Variants in USP13 observed in about 807,000 individuals in gnomAD.
The protein encoded by USP13 is ubiquitin carboxyl-terminal hydrolase 13.
Under a neutral mutation model 107.8 loss-of-function variants are expected in USP13, and 68 were observed. That is an observed-to-expected ratio of 0.63 (90% confidence interval 0.52 to 0.77). The LOEUF is 0.77. Ranked by LOEUF, USP13 falls within the 30% of genes least tolerant of loss-of-function variation. The pLI is 0.00. For missense variants in USP13, 945 were observed against 1,093.3 expected (o/e 0.86, Z 1.91); for synonymous variants, 377 against 389.5 (o/e 0.97, Z 0.38).
At chr3:179,780,263 T>C (rs1715699608) in intron 19 of USP13, among the ~76,000 whole-genome samples, 2 of 152,168 alleles carry the variant, frequency 1.3e-5, no homozygotes, top group Admixed American at 1.3e-4. Flanking sequence ...GTAAAAGTTA[T>C]TTGGATTATC....
rs35001051 is a variant in USP13 at position 179,726,682 on chromosome 3, C to CT, written c.1089-3494dup. Among the ~76,000 whole-genome samples the CT allele has an allele frequency of 8.0e-4, 115 of 144,288 alleles. 2 individuals carry two copies. The highest frequency in any genetic ancestry group is 7.1e-3 in the Middle Eastern group (2 of 280). 94.7% of individuals were successfully genotyped at this position (144,288 alleles called of 152,430 possible). A position where few individuals can be genotyped will look rare whatever the true frequency, so the allele number is the denominator to read the frequency against. Reference sequence around the variant, plus strand: ...GCCTCATTACTCCCTCCCTGGTAGGCTTTTTTTTTTTTTGAGATAGGGTCT... The same window carrying CT: ...GCCTCATTACTCCCTCCCTGGTAGGCTTTTTTTTTTTTTTGAGATAGGGTCT... On this transcript the variant is annotated intron_variant, in intron 8 of 20. Coordinates refer to ENST00000263966, the MANE Select transcript of USP13 (RefSeq NM_003940.3).
At chr3:179,705,293 GTTAT>G (rs140624702) in intron 4 of USP13, among the ~76,000 whole-genome samples, 1,844 of 152,064 alleles carry the variant, frequency 0.012, 14 homozygotes, top group Middle Eastern at 0.031. Context: ...TACAAATTTT[GTTAT>G]TTATTTATTT....
At chr3:179,756,430 AAACAAAC>A (rs1432571731) in intron 15 of USP13, among the ~76,000 whole-genome samples, 1 of 148,500 alleles carries the variant, frequency 6.7e-6, no homozygotes, top group African/African-American at 2.6e-5. Flanking sequence ...ACAAACAAAC[AAACAAAC>A]AAACAAACAA....
At chr3:179,686,487 G>A (rs1027851628) in intron 2 of USP13, among the ~76,000 whole-genome samples, 3 of 152,138 alleles carry the variant, frequency 2.0e-5, no homozygotes, top group East Asian at 1.9e-4. Flanking sequence ...AGGCTGAGGC[G>A]GGAGGAATAC....
At chr3:179,720,681 CCCT>C (rs1713279480) in intron 7 of USP13, among the ~76,000 whole-genome samples, 2 of 151,956 alleles carry the variant, frequency 1.3e-5, no homozygotes. Flanking sequence ...CTTTACACCT[CCCT>C]CCTTTTTGTT....
In USP13 at chr3:179,653,058, G is replaced by A. The variant is rs1009163121; in HGVS notation, c.-168G>A. ...CGTCGCCAGTCCGCCCCAAGCCCGC[G>A]GTGCCCGCTCCCGCCCCGCAGCCCG... On this transcript the variant is annotated 5_prime_UTR_variant, in exon 1 of 21. Coordinates refer to ENST00000263966, the MANE Select transcript of USP13 (RefSeq NM_003940.3). This position sits in a 1 kb window ranked among gnomAD's most constrained non-coding sequence, Gnocchi z 4.0. 4.7e-6 allele frequency: 2 copies of A among 422,890 alleles called. No homozygotes were observed. Among genetic ancestry groups the A allele is most frequent in the African/African-American group, 2.2e-5 (1 of 45,906 alleles). 26.2% of individuals were successfully genotyped at this position (422,890 alleles called of 1,614,324 possible).
At chr3:179,666,489 T>G (rs1359773415) in intron 1 of USP13, among the ~76,000 whole-genome samples, 1 of 152,166 alleles carries the variant, frequency 6.6e-6, no homozygotes, top group Non-Finnish European at 1.5e-5. Context: ...GTCTTGCAGC[T>G]CCTTCACCAG....
intron 1 of USP13, among the ~76,000 whole-genome samples, chr3:179,667,952 C>A (rs372477565): frequency 6.6e-6 from 1 of 151,944 alleles, no homozygotes; most frequent in African/African-American, 2.4e-5. Context: ...CCGGCTGATT[C>A]GGTTTTATAC....
In USP13 at chr3:179,781,843, T is replaced by C. The variant is rs745689859; in HGVS notation, c.2498+20T>C. On this transcript the variant is annotated intron_variant, in intron 20 of 20. Transcript: ENST00000263966. ...AGGAAGGTGAGTCATTTTTAGAAGG[T>C]AAATGTTAGCTGTGATTTATTGAGT... 23 of 1,601,052 alleles carry C rather than the reference T, an allele frequency of 1.4e-5. No individual in the cohort carries two copies. Among genetic ancestry groups the C allele is most frequent in the Non-Finnish European group, 1.7e-5 (20 of 1,168,228 alleles).
At chr3:179,711,660 C>G (rs1209584630) in intron 6 of USP13, among the ~76,000 whole-genome samples, 1 of 152,146 alleles carries the variant, frequency 6.6e-6, no homozygotes, top group East Asian at 1.9e-4. Flanking sequence ...CTGTCTTCCA[C>G]CTCCACAGGT....
intron 14 of USP13, among the ~76,000 whole-genome samples, chr3:179,753,991 A>G (rs553812242): frequency 3.9e-5 from 6 of 152,346 alleles, no homozygotes; most frequent in African/African-American, 1.4e-4. Context: ...TTCATTATTT[A>G]TTCAATATCT....
intron 1 of USP13, among the ~76,000 whole-genome samples, chr3:179,655,982 C>G (rs961268099): frequency 2.0e-5 from 3 of 152,128 alleles, no homozygotes; most frequent in Non-Finnish European, 4.4e-5. Flanking sequence ...GTGCTAAACA[C>G]GCCAGAAACT....
At chr3:179,782,706 G>T (rs1227867973) in intron 20 of USP13, among the ~76,000 whole-genome samples, 6 of 152,098 alleles carry the variant, frequency 3.9e-5, no homozygotes, top group Non-Finnish European at 5.9e-5. Context: ...TGTCTTTTTA[G>T]TTTTGTCTTC....
chr3:179,672,132 T>G (rs1304646214), intron 1 of USP13, among the ~76,000 whole-genome samples: 1 of 152,232 alleles, frequency 6.6e-6, no homozygotes, highest in Middle Eastern at 3.2e-3. Flanking sequence ...AAAATGACTA[T>G]TCACTTGCTA....
rs143318654 is a variant in USP13 at position 179,694,461 on chromosome 3, G to A, written c.355+4160G>A. On this transcript the variant is annotated intron_variant, in intron 3 of 20. Transcript: ENST00000263966. ...TCATGGTCACCTTACGGTCCAAAATGGCTACTGGAACTCCAACCATCACAT... is the reference window on the plus strand; with the variant it reads ...TCATGGTCACCTTACGGTCCAAAATAGCTACTGGAACTCCAACCATCACAT... Among the ~76,000 whole-genome samples the A allele has an allele frequency of 6.6e-5, 10 of 152,062 alleles. No individual in the cohort carries two copies. In the East Asian group the frequency reaches 1.9e-3, roughly 29 times the overall value.
At chr3:179,694,890 C>T (rs186353833) in intron 3 of USP13, among the ~76,000 whole-genome samples, 1 of 152,104 alleles carries the variant, frequency 6.6e-6, no homozygotes, top group East Asian at 1.9e-4. Context: ...GTCACCTTGC[C>T]TTTGTCAGCC....
In USP13 at chr3:179,784,268, A is replaced by G. The variant is rs1314323486; in HGVS notation, c.*127A>G. On this transcript the variant is annotated 3_prime_UTR_variant, in exon 21 of 21. Coordinates refer to ENST00000263966, the MANE Select transcript of USP13 (RefSeq NM_003940.3). ...ATATGGGGTATTTATCGTTTATTTA[A>G]AGAGCACGATCAGTTGACACCTTCT... 1.4e-6 allele frequency: 1 copy of G among 712,294 alleles called. No homozygotes were observed. The highest frequency in any genetic ancestry group is 2.7e-5 in the East Asian group (1 of 37,512). 44.1% of individuals were successfully genotyped at this position (712,294 alleles called of 1,614,324 possible). A position where few individuals can be genotyped will look rare whatever the true frequency, so the allele number is the denominator to read the frequency against.
chr3:179,676,118 C>T (rs988816170), intron 1 of USP13, among the ~76,000 whole-genome samples: 6 of 152,280 alleles, frequency 3.9e-5, no homozygotes, highest in African/African-American at 1.4e-4. Flanking sequence ...TTGCTCAGCA[C>T]TTCTCCTTCC....
intron 8 of USP13, among the ~76,000 whole-genome samples, chr3:179,728,644 A>G (rs1430529319): frequency 1.3e-5 from 2 of 151,998 alleles, no homozygotes; most frequent in Non-Finnish European, 2.9e-5. Context: ...TGAGAGGTGG[A>G]TGTTGTAGCG....
Sources: allele counts gnomAD v4.1 joint callset (sites outside exome capture counted in the v4.1 genomes callset), GRCh38; gene constraint gnomAD v4.1.1; non-coding constraint Gnocchi (gnomAD v3.1); transcripts MANE v1.5; gene names NCBI Gene and HGNC (gene_info 2026-07-23, HGNC 2026-07-21).